Variants in POFUT4 observed in about 807,000 individuals in gnomAD.
POFUT4 encodes the protein GDP-fucose protein O-fucosyltransferase 4.
chr10:73,778,164 G>A, the POFUT4 span, among the ~76,000 whole-genome samples: 1 of 147,734 alleles, frequency 6.8e-6, no homozygotes, highest in South Asian at 2.3e-4. Flanking sequence ...TGCCCAGCCT[G>A]AGACTACTTT....
chr10:73,775,318 G>A, the POFUT4 span: 10 of 1,093,074 alleles, frequency 9.1e-6, no homozygotes, highest in Admixed American at 4.0e-5. Flanking sequence ...GTCAGGAATC[G>A]TAATTGATTG....
chr10:73,773,197 C>A, the POFUT4 span: 1 of 1,609,766 alleles, frequency 6.2e-7, no homozygotes. Flanking sequence ...TAGGTAGACT[C>A]CTACGGGAAA....
the POFUT4 span, chr10:73,775,199 T>C: frequency 1.8e-6 from 1 of 564,048 alleles, no homozygotes; most frequent in Non-Finnish European, 3.2e-6. Context: ...GATAATCATC[T>C]AAAGACCCCT....
chr10:73,779,258 TAAA>T, the POFUT4 span: 44 of 136,976 alleles, frequency 3.2e-4, no homozygotes, highest in South Asian at 6.5e-4. Flanking sequence ...GACCTCTGTC[TAAA>T]AAAAAAAAAA....
chr10:73,773,165 G>C, the POFUT4 span: 1 of 1,581,422 alleles, frequency 6.3e-7, no homozygotes, highest in Non-Finnish European at 8.6e-7. Flanking sequence ...GCACCCTCAT[G>C]ACAGCCTTAC....
the POFUT4 span, among the ~76,000 whole-genome samples, chr10:73,777,258 T>C: frequency 6.6e-6 from 1 of 152,030 alleles, no homozygotes; most frequent in South Asian, 2.1e-4. Flanking sequence ...TTTTGAAATG[T>C]TAAAATAGGC....
the POFUT4 span, chr10:73,775,702 C>T: frequency 6.2e-7 from 1 of 1,613,770 alleles, no homozygotes; most frequent in Non-Finnish European, 8.5e-7. Flanking sequence ...TTGCAAGAGC[C>T]TTTAACTTGG....
chr10:73,776,430 G>T, the POFUT4 span, among the ~76,000 whole-genome samples: 1 of 148,454 alleles, frequency 6.7e-6, no homozygotes, highest in Admixed American at 6.8e-5. Flanking sequence ...AGTGGCTTAT[G>T]CCTGTAATCC....
the POFUT4 span, chr10:73,780,035 A>G: frequency 1.3e-5 from 2 of 152,236 alleles, no homozygotes; most frequent in Non-Finnish European, 2.9e-5. Context: ...CACTTTCCCT[A>G]TAGAGAAAGC....
At chr10:73,775,689 C>G in the POFUT4 span, 1 of 1,614,048 alleles carries the variant, frequency 6.2e-7, no homozygotes, top group Non-Finnish European at 8.5e-7. Flanking sequence ...TCTCTAAGTG[C>G]CCTTGCAAGA....
chr10:73,773,144 C>A, the POFUT4 span: 259 of 1,492,738 alleles, frequency 1.7e-4, no homozygotes, highest in African/African-American at 2.6e-3. Flanking sequence ...GGTGTCCAGG[C>A]CTCCAGGGCC....
the POFUT4 span, chr10:73,779,704 C>T: frequency 6.6e-6 from 1 of 152,164 alleles, no homozygotes; most frequent in Non-Finnish European, 1.5e-5. Flanking sequence ...CAAGTACAGA[C>T]CTAGGTTAGG....
the POFUT4 span, chr10:73,773,041 GGTGA>G: frequency 6.4e-7 from 1 of 1,567,870 alleles, no homozygotes; most frequent in Non-Finnish European, 8.6e-7. Context: ...GCCACATCCC[GGTGA>G]GTGAGGGCGG....
chr10:73,775,611 C>T, the POFUT4 span: 1 of 1,614,198 alleles, frequency 6.2e-7, no homozygotes, highest in South Asian at 1.1e-5. Context: ...TGCCATGATC[C>T]ACAACAATGA....
chr10:73,773,218 A>G, the POFUT4 span: 1 of 1,612,556 alleles, frequency 6.2e-7, no homozygotes, highest in African/African-American at 1.3e-5. Context: ...TGCCTGCAGA[A>G]TCGGGAGCTG....
At chr10:73,772,459 G>A in the POFUT4 span, 1 of 1,556,056 alleles carries the variant, frequency 6.4e-7, no homozygotes, top group Admixed American at 1.9e-5. Flanking sequence ...CGGAACCGTG[G>A]GATGGCGCGG....
the POFUT4 span, chr10:73,773,347 T>C: frequency 1.2e-6 from 2 of 1,614,156 alleles, no homozygotes; most frequent in Non-Finnish European, 1.7e-6. Context: ...AACGACTACA[T>C]GACAGAAAAA....
chr10:73,772,312 G>T, the POFUT4 span: 3 of 1,419,264 alleles, frequency 2.1e-6, no homozygotes, highest in East Asian at 2.8e-5. Context: ...TGGCCGAGGG[G>T]GCGCCGGCTG....
chr10:73,775,388 G>A, the POFUT4 span: 1 of 1,593,958 alleles, frequency 6.3e-7, no homozygotes, highest in Non-Finnish European at 8.5e-7. Flanking sequence ...GGCTTATATT[G>A]GATTTACTTC....
Sources: gnomAD v4.1 joint callset for allele counts (sites outside exome capture counted in the v4.1 genomes callset) on GRCh38, gnomAD v4.1.1 for gene constraint, MANE v1.5 for transcripts, NCBI Gene and HGNC (gene_info 2026-07-23, HGNC 2026-07-21) for gene names.